MUSTN1: variants seen among roughly 807,000 people sequenced by gnomAD.
MUSTN1 encodes the protein musculoskeletal embryonic nuclear protein 1.
Under a neutral mutation model 11.8 loss-of-function variants are expected in MUSTN1, and 14 were observed. That is an observed-to-expected ratio of 1.18 (90% CI 0.78 to 1.85). The LOEUF (loss-of-function observed/expected upper bound fraction) is 1.85. Ranked by LOEUF, MUSTN1 falls within the 40% of genes most tolerant of loss-of-function variation. The probability of loss-of-function intolerance (pLI) is 0.00; values close to 1 mark genes in which losing one functional copy is unlikely to be tolerated. For missense variants in MUSTN1, 111 were observed against 108.8 expected (o/e 1.02, Z -0.09); for synonymous variants, 42 against 43.3 (o/e 0.97, Z 0.12).
chr3:52,834,048 C>G lies in MUSTN1; in HGVS notation c.10-299G>C, dbSNP rs140779307. On this transcript the variant is annotated intron_variant, in intron 1 of 2. Transcript: ENST00000446157. ...ACCTGGTCAAGCTCAGGACTGGGCACAGTGGGGAACAGCGAAGGGGACTAG... is the reference window on the plus strand; with the variant it reads ...ACCTGGTCAAGCTCAGGACTGGGCAGAGTGGGGAACAGCGAAGGGGACTAG... Among the ~76,000 whole-genome samples the G allele has an allele frequency of 2.6e-5, 4 of 152,282 alleles. No individual in the cohort carries two copies. In the East Asian group the frequency reaches 7.7e-4, roughly 29 times the overall value.
intron 1 of MUSTN1, 116 bp downstream of exon 1, chr3:52,834,824 A>G (rs1700670371): frequency 1.6e-6 from 2 of 1,283,760 alleles, no homozygotes; most frequent in East Asian, 2.5e-5. Context: ...AGGGCTGCAG[A>G]GCCTCCAGTT....
Position 52,833,366 on chromosome 3 carries a change from A to G in MUSTN1, c.207T>C (p.Phe69=), listed in dbSNP as rs1700630243. The G allele has an allele frequency of 6.2e-7, 1 of 1,613,890 alleles. No individual in the cohort carries two copies. The highest frequency in any genetic ancestry group is 8.5e-7 in the Non-Finnish European group (1 of 1,179,862). The change falls in exon 3 of 3, where the codon TTT becomes TTC. Residue 69 remains phenylalanine (F), a synonymous_variant. Transcript: ENST00000446157. ...TGGTGGGTCCGGCTTTGGGCTTCTC[A>G]AAGACAGTCTCGGTACCTGTGCGGG... ...SRTRTGTETV[F]EKPKAGPTKS... is the part of the protein sequence containing the mutation.
chr3:52,833,477 G>T lies in MUSTN1; in HGVS notation c.143-47C>A, dbSNP rs748226693. 4 of 1,597,972 alleles carry T rather than the reference G, an allele frequency of 2.5e-6. No individual in the cohort carries two copies. In the South Asian group the frequency reaches 4.5e-5, roughly 18 times the overall value. ...GGGGCCAGCCTAGCTTCCTGGGAGGGAAGATCCCTTACGATGGGAGCACCT... is the reference window on the plus strand; with the variant it reads ...GGGGCCAGCCTAGCTTCCTGGGAGGTAAGATCCCTTACGATGGGAGCACCT... On this transcript the variant is annotated intron_variant, in intron 2 of 2. Transcript: ENST00000446157.
chr3:52,833,490 G>A lies in MUSTN1; in HGVS notation c.143-60C>T, dbSNP rs979771066. ...CTTCCTGGGAGGGAAGATCCCTTAC[G>A]ATGGGAGCACCTTTCTTGAACCCAG... On this transcript the variant is annotated intron_variant, in intron 2 of 2. Transcript: ENST00000446157. The A allele has an allele frequency of 2.1e-5, 34 of 1,593,420 alleles. No individual in the cohort carries two copies. In the African/African-American group the frequency reaches 2.6e-4, roughly 12 times the overall value.
chr3:52,833,432 T>C lies in MUSTN1; in HGVS notation c.143-2A>G. 1.9e-6 allele frequency: 3 copies of C among 1,610,736 alleles called. No homozygotes were observed. The highest frequency in any genetic ancestry group is 8.5e-7 in the Non-Finnish European group (1 of 1,177,480). ...ACGGGGCGGCCGAGCCAGCTTGCTCTGTGGGAGGAGGTAAAGTCAGGGGCC... is the reference window on the plus strand; with the variant it reads ...ACGGGGCGGCCGAGCCAGCTTGCTCCGTGGGAGGAGGTAAAGTCAGGGGCC... On this transcript the variant is annotated splice_acceptor_variant, in intron 2 of 2. Coordinates refer to ENST00000446157, the MANE Select transcript of MUSTN1 (RefSeq NM_205853.4). LOFTEE classifies it high-confidence loss of function.
chr3:52,833,545 G>T, intron 2 of MUSTN1, 72 bp downstream of exon 2: 1 of 1,584,266 alleles, frequency 6.3e-7, no homozygotes, highest in South Asian at 1.1e-5. Flanking sequence ...AAGGATCCTT[G>T]ACCACCTCCC....
intron 1 of MUSTN1, among the ~76,000 whole-genome samples, chr3:52,834,224 G>A (rs1381392699): frequency 1.3e-5 from 2 of 152,192 alleles, no homozygotes; most frequent in African/African-American, 4.8e-5. Flanking sequence ...AGGGCCAGAT[G>A]CCCACAGAAT....
chr3:52,834,335 C>T (rs1258955158), intron 1 of MUSTN1, among the ~76,000 whole-genome samples: 1 of 152,108 alleles, frequency 6.6e-6, no homozygotes, highest in Non-Finnish European at 1.5e-5. Context: ...CACCCAGGCT[C>T]GGTGTTTACC....
rs778179932 is a variant in MUSTN1, at chr3:52,833,703, T to G, written c.56A>C (p.Lys19Thr). The change falls in exon 2 of 3, where the codon AAG becomes ACG. Residue 19 changes from lysine (K) to threonine (T), a missense_variant. Transcript: ENST00000446157. ...TCGGGCCCCCTTCAGGTCCTCGTCC[T>G]TCACAGGGGGGCGCTTCTTCTTGAT... is the stretch of plus-strand genomic sequence containing the variant. The part of the protein sequence containing the change: ...APIKKKRPPV[K>T]DEDLKGARGN... 37 of 1,592,198 alleles carry G rather than the reference T, an allele frequency of 2.3e-5. No homozygotes were observed. Among genetic ancestry groups the G allele is most frequent in the Non-Finnish European group, 3.0e-5 (35 of 1,169,376 alleles).
rs1700634948 is a variant in MUSTN1 at position 52,833,506 on chromosome 3, T to C, written c.143-76A>G. 7 of 1,589,150 alleles carry C rather than the reference T, an allele frequency of 4.4e-6. No homozygotes were observed. In the East Asian group the frequency reaches 9.0e-5, roughly 20 times the overall value. Reference sequence around the variant, plus strand: ...ATCCCTTACGATGGGAGCACCTTTCTTGAACCCAGGAATACTGGATTCTCA... The same window carrying C: ...ATCCCTTACGATGGGAGCACCTTTCCTGAACCCAGGAATACTGGATTCTCA... On this transcript the variant is annotated intron_variant, in intron 2 of 2. Coordinates refer to ENST00000446157, the MANE Select transcript of MUSTN1 (RefSeq NM_205853.4).
intron 2 of MUSTN1, 22 bp from the exon 3 acceptor site, chr3:52,833,452 G>A: frequency 6.2e-7 from 1 of 1,606,716 alleles, no homozygotes; most frequent in African/African-American, 1.3e-5. Flanking sequence ...GGTAAAGTCA[G>A]GGGCCAGCCT....
rs199761444 is a variant in MUSTN1, at chr3:52,833,377, C to T, written c.196G>A (p.Glu66Lys). ...GCTTTGGGCTTCTCAAAGACAGTCT[C>T]GGTACCTGTGCGGGTGCGGCTGAAC... ...SVFSRTRTGT[E>K]TVFEKPKAGP... The change falls in exon 3 of 3, where the codon GAG (glutamate) becomes AAG (lysine). Residue 66 changes from glutamate to lysine, a missense_variant. Transcript: ENST00000446157. The T allele has an allele frequency of 1.4e-3, 2,306 of 1,613,940 alleles. 4 individuals carry two copies. The highest frequency in any genetic ancestry group is 1.7e-3 in the Non-Finnish European group (2,014 of 1,179,876).
At position 52,833,411 on chromosome 3, in the gene MUSTN1, G is replaced by GGCGGC. The variant is rs778291650; in HGVS notation, c.157_161dup (p.Ser56ProfsTer?). ...TGCGGGTGCGGCTGAACACCGACGG[G>GGCGGC]GCGGCCGAGCCAGCTTGCTCTGTGG... On this transcript the variant is annotated frameshift_variant, in exon 3 of 3. Transcript: ENST00000446157. LOFTEE classifies it high-confidence loss of function. 11 of 1,613,190 alleles carry GGCGGC rather than the reference G, an allele frequency of 6.8e-6. No homozygotes were observed. The highest frequency in any genetic ancestry group is 8.5e-6 in the Non-Finnish European group (10 of 1,179,412).
chr3:52,834,440 C>A (rs1283006933), intron 1 of MUSTN1, among the ~76,000 whole-genome samples: 2 of 152,086 alleles, frequency 1.3e-5, no homozygotes, highest in African/African-American at 2.4e-5. Flanking sequence ...CCAGGCTCCT[C>A]AGAGCAACAC....
In MUSTN1 at chr3:52,833,454, G is replaced by C. The variant is rs532341704; in HGVS notation, c.143-24C>G. On this transcript the variant is annotated intron_variant, in intron 2 of 2. Coordinates refer to ENST00000446157, the MANE Select transcript of MUSTN1 (RefSeq NM_205853.4). Reference sequence around the variant, plus strand: ...CTCTGTGGGAGGAGGTAAAGTCAGGGGCCAGCCTAGCTTCCTGGGAGGGAA... The same window carrying C: ...CTCTGTGGGAGGAGGTAAAGTCAGGCGCCAGCCTAGCTTCCTGGGAGGGAA... The C allele has an allele frequency of 2.8e-5, 45 of 1,605,046 alleles. No individual in the cohort carries two copies. The African/African-American group carries it at 4.3e-4, about 15-fold the overall frequency.
intron 2 of MUSTN1, 27 bp downstream of exon 2, chr3:52,833,590 A>G: frequency 6.2e-7 from 1 of 1,607,872 alleles, no homozygotes; most frequent in Non-Finnish European, 8.5e-7. Context: ...CCCCATCCCC[A>G]GCCCCAGATG....
At chr3:52,834,911 T>C (rs767677713) in intron 1 of MUSTN1, 29 bp downstream of exon 1, 1 of 1,612,732 alleles carries the variant, frequency 6.2e-7, no homozygotes. Context: ...CCCTCTGGCA[T>C]CAACACAGCC....
chr3:52,834,661 C>CACACACAT (rs1438182062), intron 1 of MUSTN1: 19 of 607,542 alleles, frequency 3.1e-5, no homozygotes, highest in African/African-American at 3.0e-4. Flanking sequence ...TGCGCACACA[C>CACACACAT]ACACACACAC....
chr3:52,833,308 G>A lies in MUSTN1; in HGVS notation c.*16C>T. 6.2e-7 allele frequency: 1 copy of A among 1,613,848 alleles called. No homozygotes were observed. The highest frequency in any genetic ancestry group is 8.5e-7 in the Non-Finnish European group (1 of 1,179,834). On this transcript the variant is annotated 3_prime_UTR_variant, in exon 3 of 3. Coordinates refer to ENST00000446157, the MANE Select transcript of MUSTN1 (RefSeq NM_205853.4). ...TTTCCGAGCATTCGGGCAGCAAGGG[G>A]AGTGGCGCACACTTCTCAGCCGAAG...
Sources: gnomAD v4.1 joint callset for allele counts (sites outside exome capture counted in the v4.1 genomes callset) on GRCh38, gnomAD v4.1.1 for gene constraint, MANE v1.5 for transcripts, NCBI Gene and HGNC (gene_info 2026-07-23, HGNC 2026-07-21) for gene names.